The following CMTM8 variants were observed in gnomAD, a reference collection of about 807,000 sequenced individuals.
CMTM8 encodes CKLF-like MARVEL transmembrane domain-containing protein 8.
A neutral mutation model predicts 18.6 loss-of-function variants in CMTM8; 12 were observed. The observed-to-expected ratio is 0.65, with a 90% CI of 0.41 to 1.05. CMTM8 has a LOEUF of 1.05. Ranked by LOEUF, CMTM8 falls within the 50% of genes least tolerant of loss-of-function variation. CMTM8 has a pLI of 0.00. For missense variants in CMTM8, 217 were observed against 227.2 expected (o/e 0.95, Z 0.29); for synonymous variants, 87 against 90.6 (o/e 0.96, Z 0.23).
intron 1 of CMTM8, among the ~76,000 whole-genome samples, chr3:32,268,338 G>A (rs927617781): frequency 1.3e-5 from 2 of 152,034 alleles, no homozygotes; most frequent in Non-Finnish European, 2.9e-5. Context: ...GCAAACCCTC[G>A]CAAGGACAAA....
chr3:32,247,344 ACT>A (rs2125528943), intron 1 of CMTM8, among the ~76,000 whole-genome samples: 1 of 151,888 alleles, frequency 6.6e-6, no homozygotes, highest in African/African-American at 2.4e-5. Flanking sequence ...ATGGAGTCTC[ACT>A]CTTTCGCCCA....
intron 1 of CMTM8, among the ~76,000 whole-genome samples, chr3:32,352,204 CAAA>C (rs754856970): frequency 3.0e-5 from 2 of 65,908 alleles, no homozygotes. Flanking sequence ...CACACACTCA[CAAA>C]AAAAAAAAAA....
chr3:32,296,284 A>G (rs1702877730), intron 1 of CMTM8, among the ~76,000 whole-genome samples: 1 of 152,110 alleles, frequency 6.6e-6, no homozygotes, highest in Admixed American at 6.5e-5. Flanking sequence ...AGACTTCTAC[A>G]GCATTATAGG....
chr3:32,279,872 T>G (rs11720051), intron 1 of CMTM8, among the ~76,000 whole-genome samples: 66,002 of 140,996 alleles, frequency 0.47, 15,568 homozygotes, highest in Middle Eastern at 0.57. Flanking sequence ...ATTGCCATTC[T>G]AACTGGTGTG....
intron 1 of CMTM8, among the ~76,000 whole-genome samples, chr3:32,341,134 G>T (rs1696482893): frequency 6.6e-6 from 1 of 152,166 alleles, no homozygotes. Flanking sequence ...ACTTCAAAAG[G>T]CCTTGTCGTG....
intron 1 of CMTM8, among the ~76,000 whole-genome samples, chr3:32,319,074 A>ATATATATATTTTTTTTTTTTTTTTTTT: frequency 3.2e-5 from 1 of 31,530 alleles, no homozygotes; most frequent in African/African-American, 1.5e-4. Flanking sequence ...ATATATATAT[A>ATATATATATTTTTTTTTTTTTTTTTTT]TTTTTTTTTT....
At chr3:32,290,716 G>A (rs1160814535) in intron 1 of CMTM8, among the ~76,000 whole-genome samples, 1 of 152,194 alleles carries the variant, frequency 6.6e-6, no homozygotes, top group Non-Finnish European at 1.5e-5. Context: ...GGTGATTTCA[G>A]GCTAGACACT....
intron 2 of CMTM8, among the ~76,000 whole-genome samples, chr3:32,365,292 C>T (rs1322010500): frequency 6.8e-6 from 1 of 146,382 alleles, no homozygotes; most frequent in Non-Finnish European, 1.5e-5. Context: ...TAAAAATAAG[C>T]CGGTATTTGA....
chr3:32,312,084 T>G (rs1695830840), intron 1 of CMTM8, among the ~76,000 whole-genome samples: 1 of 152,228 alleles, frequency 6.6e-6, no homozygotes, highest in Non-Finnish European at 1.5e-5. Flanking sequence ...TTTGTTGAAC[T>G]ACAGGGTATG....
intron 1 of CMTM8, among the ~76,000 whole-genome samples, chr3:32,293,110 A>G (rs1353311389): frequency 1.3e-5 from 2 of 150,742 alleles, no homozygotes; most frequent in Non-Finnish European, 1.5e-5. Context: ...TAACTTTTAC[A>G]TGTATAGATA....
At chr3:32,339,271 T>C (rs1423354806) in intron 1 of CMTM8, among the ~76,000 whole-genome samples, 2 of 152,202 alleles carry the variant, frequency 1.3e-5, no homozygotes, top group Non-Finnish European at 2.9e-5. Flanking sequence ...CTTTAGTTGA[T>C]CGTAGAACGT....
intron 1 of CMTM8, among the ~76,000 whole-genome samples, chr3:32,347,558 C>G (rs938615794): frequency 3.9e-5 from 6 of 152,094 alleles, no homozygotes; most frequent in African/African-American, 9.7e-5. Flanking sequence ...CCTCAGTACT[C>G]TCAAGGGCCG....
intron 1 of CMTM8, among the ~76,000 whole-genome samples, chr3:32,298,957 T>TATA (rs34793108): frequency 1.5e-3 from 173 of 111,762 alleles, no homozygotes; most frequent in Middle Eastern, 0.015. Flanking sequence ...ATATATATAT[T>TATA]TTTTTTTTTT....
chr3:32,367,747 A>C, intron 2 of CMTM8, 125 bp from the exon 3 acceptor site: 3 of 607,656 alleles, frequency 4.9e-6, no homozygotes. Context: ...CTTCTCCCCC[A>C]CCCTCCCACA....
chr3:32,353,366 T>G (rs921375417), intron 1 of CMTM8, among the ~76,000 whole-genome samples: 5 of 152,202 alleles, frequency 3.3e-5, no homozygotes, highest in African/African-American at 1.2e-4. Context: ...TTCTAGAAAT[T>G]TTCCTCCTAG....
intron 1 of CMTM8, among the ~76,000 whole-genome samples, chr3:32,318,376 A>C (rs563045400): frequency 6.6e-6 from 1 of 151,748 alleles, no homozygotes; most frequent in East Asian, 2.0e-4. Context: ...AATTCAACCC[A>C]CCCTTCCTCC....
intron 1 of CMTM8, among the ~76,000 whole-genome samples, chr3:32,280,846 C>CAAAAAAAAAAAAAAAAAAA (rs60845487): frequency 8.8e-5 from 6 of 68,142 alleles, no homozygotes; most frequent in South Asian, 6.7e-4. Context: ...AGAAAATAGG[C>CAAAAAAAAAAAAAAAAAAA]AAAAAAAAAA....
chr3:32,341,159 G>A (rs1696483647), intron 1 of CMTM8, among the ~76,000 whole-genome samples: 1 of 152,336 alleles, frequency 6.6e-6, no homozygotes, highest in Non-Finnish European at 1.5e-5. Context: ...GCCCTGTTCA[G>A]CCTGAAGATG....
rs1001538855 is a variant in CMTM8, at chr3:32,245,232, A to G, written c.147+6113A>G. Among the ~76,000 whole-genome samples, 61 of 152,188 alleles carry G rather than the reference A, an allele frequency of 4.0e-4. 1 individual carries two copies. The highest frequency in any genetic ancestry group is 7.3e-5 in the Non-Finnish European group (5 of 68,032). The stretch of plus-strand genomic sequence containing the variant: ...TGCCTTGTGAAAACAAAATACTGAG[A>G]CAAAGAATTACTAAGAACCTGACTT... On this transcript the variant is annotated intron_variant, in intron 1 of 3. Transcript: ENST00000307526.
Sources: gnomAD v4.1 joint callset for allele counts (sites outside exome capture counted in the v4.1 genomes callset) on GRCh38, gnomAD v4.1.1 for gene constraint, MANE v1.5 for transcripts, NCBI Gene and HGNC (gene_info 2026-07-23, HGNC 2026-07-21) for gene names.